Variants in CTNNA1 observed in about 807,000 individuals in gnomAD.
CTNNA1 encodes catenin alpha-1.
CTNNA1 carries 37 observed loss-of-function variants against 98.4 expected under a neutral mutation model. That is an observed-to-expected ratio of 0.38 (90% CI 0.29 to 0.49). CTNNA1 has a LOEUF of 0.49. Among genes scored for constraint, CTNNA1 ranks in the 20% least tolerant of loss-of-function variants. CTNNA1 has a pLI of 0.95. For missense variants in CTNNA1, 761 were observed against 1,147.2 expected, an observed-to-expected ratio of 0.66 and a Z score of 4.86; for synonymous variants, 404 against 413.2, an observed-to-expected ratio of 0.98 and a Z score of 0.27.
chr5:138,858,927 A>G (rs890273674), intron 7 of CTNNA1, among the ~76,000 whole-genome samples: 1 of 152,148 alleles, frequency 6.6e-6, no homozygotes, highest in Non-Finnish European at 1.5e-5. Flanking sequence ...CAAGTACATG[A>G]GTTCTACATG....
At chr5:138,886,188 C>T in intron 7 of CTNNA1, 24 bp from the exon 8 acceptor site, 2 of 1,604,092 alleles carry the variant, frequency 1.2e-6, no homozygotes, top group Non-Finnish European at 1.7e-6. Context: ...GAATAAAATG[C>T]TCATCTCTTT....
chr5:138,821,482 G>A (rs1760038893), intron 5 of CTNNA1, among the ~76,000 whole-genome samples: 1 of 152,114 alleles, frequency 6.6e-6, no homozygotes, highest in Admixed American at 6.6e-5. Flanking sequence ...GTTACTGTCG[G>A]TGTTTTATTT....
chr5:138,763,918 C>T (rs1380563977), intron 1 of CTNNA1, among the ~76,000 whole-genome samples: 1 of 152,128 alleles, frequency 6.6e-6, no homozygotes, highest in East Asian at 1.9e-4. Context: ...AGGCTGGGTG[C>T]GGTGGCTCAC....
chr5:138,875,685 G>A (rs1581394663), intron 7 of CTNNA1: 1 of 985,438 alleles, frequency 1.0e-6, no homozygotes, highest in Non-Finnish European at 1.2e-6. Context: ...TCATCTAAAT[G>A]GGCAGAAGCC....
intron 9 of CTNNA1, among the ~76,000 whole-genome samples, chr5:138,894,874 C>A (rs1756411071): frequency 6.6e-6 from 1 of 152,090 alleles, no homozygotes; most frequent in African/African-American, 2.4e-5. Flanking sequence ...TTTGACCATA[C>A]CTAAACATGT....
At chr5:138,886,628 A>G (rs1754084879) in intron 8 of CTNNA1, among the ~76,000 whole-genome samples, 1 of 152,200 alleles carries the variant, frequency 6.6e-6, no homozygotes. Context: ...CAATAGAGAC[A>G]GAAATTTCAG....
At chr5:138,759,939 T>C (rs918158459) in intron 1 of CTNNA1, among the ~76,000 whole-genome samples, 5 of 151,122 alleles carry the variant, frequency 3.3e-5, no homozygotes, top group Non-Finnish European at 7.4e-5. Context: ...CTTCCTACTC[T>C]GCTGTTTTAG....
At chr5:138,838,622 A>G (rs889808459) in intron 7 of CTNNA1, among the ~76,000 whole-genome samples, 3 of 151,288 alleles carry the variant, frequency 2.0e-5, no homozygotes, top group African/African-American at 7.3e-5. Context: ...ATTTTATTCT[A>G]TCTTTACTAG....
At chr5:138,783,409 G>T (rs1755351840) in intron 3 of CTNNA1, 37 bp downstream of exon 3, 2 of 1,546,146 alleles carry the variant, frequency 1.3e-6, no homozygotes, top group African/African-American at 1.4e-5. Flanking sequence ...AGAGAGGCAG[G>T]CCTTTCTAGA....
intron 7 of CTNNA1, among the ~76,000 whole-genome samples, chr5:138,864,985 T>A (rs1764614178): frequency 6.6e-6 from 1 of 152,060 alleles, no homozygotes; most frequent in African/African-American, 2.4e-5. Flanking sequence ...GGCTAATTTT[T>A]GTATTTTTAG....
At chr5:138,823,956 C>CAAAAAAAAAAAAAAAAAAA (rs369653057) in intron 5 of CTNNA1, among the ~76,000 whole-genome samples, 1 of 64,392 alleles carries the variant, frequency 1.6e-5, no homozygotes, top group Non-Finnish European at 3.0e-5. Flanking sequence ...GACTCCGTCT[C>CAAAAAAAAAAAAAAAAAAA]AAAAAAAAAA....
intron 1 of CTNNA1, among the ~76,000 whole-genome samples, chr5:138,759,484 T>C (rs1370929413): frequency 3.3e-5 from 5 of 152,144 alleles, no homozygotes; most frequent in African/African-American, 1.2e-4. Context: ...AAGAGAAAAA[T>C]GAAGGAAGTA....
At chr5:138,820,588 A>G (rs1185783049) in intron 5 of CTNNA1, among the ~76,000 whole-genome samples, 5 of 152,024 alleles carry the variant, frequency 3.3e-5, no homozygotes, top group East Asian at 1.9e-4. Flanking sequence ...TGGTTGGGGT[A>G]TAGGGTGGTG....
At chr5:138,928,951 AC>A (rs936224167) in intron 13 of CTNNA1, among the ~76,000 whole-genome samples, 1 of 151,828 alleles carries the variant, frequency 6.6e-6, no homozygotes, top group African/African-American at 2.4e-5. Context: ...AAAAAAAAAA[AC>A]AATCATGTCT....
intron 7 of CTNNA1, among the ~76,000 whole-genome samples, chr5:138,842,618 T>C (rs993720121): frequency 1.3e-5 from 2 of 152,218 alleles, no homozygotes; most frequent in Non-Finnish European, 2.9e-5. Flanking sequence ...TGCCAGAGGT[T>C]GCAAATTTTT....
At chr5:138,927,486 C>A (rs1047573305) in intron 13 of CTNNA1, among the ~76,000 whole-genome samples, 1 of 151,764 alleles carries the variant, frequency 6.6e-6, no homozygotes, top group Non-Finnish European at 1.5e-5. Context: ...CCCCTTCCCC[C>A]TCCTTGAGAG....
At chr5:138,835,105 G>A (rs1486488079) in intron 7 of CTNNA1, among the ~76,000 whole-genome samples, 2 of 152,126 alleles carry the variant, frequency 1.3e-5, no homozygotes, top group African/African-American at 4.8e-5. Flanking sequence ...CAGTTAGGGT[G>A]GGGCAGGAAC....
chr5:138,759,066 G>A (rs1186561474), intron 1 of CTNNA1, among the ~76,000 whole-genome samples: 1 of 152,176 alleles, frequency 6.6e-6, no homozygotes, highest in Non-Finnish European at 1.5e-5. Context: ...GCTTCCCAAA[G>A]TACTGGGATT....
intron 1 of CTNNA1, among the ~76,000 whole-genome samples, chr5:138,761,574 T>C (rs777759827): frequency 9.3e-5 from 14 of 149,946 alleles, no homozygotes; most frequent in Non-Finnish European, 1.5e-5. Context: ...TGAATTTTAT[T>C]GTGCATAAAA....
Sources: gnomAD v4.1 joint callset for allele counts (sites outside exome capture counted in the v4.1 genomes callset) on GRCh38, gnomAD v4.1.1 for gene constraint, MANE v1.5 for transcripts, NCBI Gene and HGNC (gene_info 2026-07-23, HGNC 2026-07-21) for gene names.